Variants in RIC3 observed in about 807,000 individuals in gnomAD.
RIC3 encodes the protein protein RIC-3.
A neutral mutation model predicts 27.3 loss-of-function variants in RIC3; 28 were observed. The observed-to-expected ratio is 1.02, with a 90% CI of 0.76 to 1.41. The LOEUF (loss-of-function observed/expected upper bound fraction) is 1.41, where lower values mean the gene tolerates loss of function less well. RIC3 is among the 40% of genes most tolerant of loss of function. The pLI is 0.00. For synonymous variants in RIC3, 184 were observed against 160.4 expected (o/e 1.15, Z -1.11); for missense variants, 501 against 444.7 (o/e 1.13, Z -1.14).
the RIC3 span, chr11:8,097,260 A>G: frequency 4.3e-6 from 7 of 1,614,192 alleles, no homozygotes; most frequent in Non-Finnish European, 5.9e-6. Context: ...CAACAGCTCC[A>G]GAGCAACCAG....
At chr11:8,099,631 C>T in the RIC3 span, among the ~76,000 whole-genome samples, 1 of 152,160 alleles carries the variant, frequency 6.6e-6, no homozygotes, top group Non-Finnish European at 1.5e-5. Context: ...AAAGCCCTAG[C>T]AGGGCAGACA....
At chr11:8,152,447 G>A (rs1166538887) in intron 1 of RIC3, among the ~76,000 whole-genome samples, 3 of 152,308 alleles carry the variant, frequency 2.0e-5, no homozygotes, top group Middle Eastern at 3.4e-3. Flanking sequence ...AATATTATAA[G>A]TGAATACAGC....
At chr11:8,157,536 G>C (rs1341527353) in intron 1 of RIC3, among the ~76,000 whole-genome samples, 2 of 152,198 alleles carry the variant, frequency 1.3e-5, no homozygotes, top group Non-Finnish European at 2.9e-5. Flanking sequence ...CTACAGGTGT[G>C]TTCCTAGTGG....
downstream of RIC3, chr11:8,101,121 G>C: frequency 8.4e-7 from 1 of 1,190,224 alleles, no homozygotes; most frequent in Non-Finnish European, 1.2e-6. Context: ...TACAGCTAAG[G>C]TTAGATGTAT....
At chr11:8,145,059 T>C (rs1359936563) in intron 1 of RIC3, among the ~76,000 whole-genome samples, 46 of 135,168 alleles carry the variant, frequency 3.4e-4, no homozygotes, top group South Asian at 5.5e-4. Context: ...AGGGATAGCA[T>C]TGGGAGATAT....
chr11:8,127,780 A>G (rs926187013), intron 4 of RIC3, among the ~76,000 whole-genome samples: 2 of 152,214 alleles, frequency 1.3e-5, no homozygotes, highest in African/African-American at 4.8e-5. Flanking sequence ...ATGATGTACT[A>G]TGTACTAGCC....
intron 1 of RIC3, 141 bp from the exon 2 acceptor site, chr11:8,140,334 A>C: frequency 1.4e-6 from 1 of 706,078 alleles, no homozygotes; most frequent in Admixed American, 2.9e-5. Context: ...AAGGATACAG[A>C]GGTATCACAC....
In RIC3 at chr11:8,149,450, T is replaced by C. The variant is rs143554296; in HGVS notation, c.125-9257A>G. ...AGTTAAAATGCTAACTTGTGTGATA[T>C]ATAAATTTGATACAGTGGACCTTGA... On this transcript the variant is annotated intron_variant, in intron 1 of 5. Transcript: ENST00000309737. 6.5e-3 allele frequency among the ~76,000 whole-genome samples: 994 copies of C among 152,238 alleles called. 22 individuals carry two copies. Among genetic ancestry groups the C allele is most frequent in the Admixed American group, 0.051 (783 of 15,298 alleles).
chr11:8,127,603 C>T lies in RIC3; in HGVS notation c.522-796G>A, dbSNP rs184853145. On this transcript the variant is annotated intron_variant, in intron 4 of 5. Coordinates refer to ENST00000309737, the MANE Select transcript of RIC3 (RefSeq NM_001206671.4). The stretch of plus-strand genomic sequence containing the variant: ...AGGATAACAGTTTGATTGTTTTCTT[C>T]TAGAGGAAAGCACTGCATCACACTG... Among the ~76,000 whole-genome samples, 984 of 152,240 alleles carry T rather than the reference C, an allele frequency of 6.5e-3. 22 individuals carry two copies. The highest frequency in any genetic ancestry group is 0.051 in the Admixed American group (783 of 15,290).
chr11:8,115,214 A>G (rs1450074949), intron 5 of RIC3, among the ~76,000 whole-genome samples: 1 of 152,120 alleles, frequency 6.6e-6, no homozygotes, highest in African/African-American at 2.4e-5. Context: ...AGTACATCAC[A>G]TTATAAGGGA....
chr11:8,101,838 GAGAATAA>G, downstream of RIC3: 2 of 507,012 alleles, frequency 3.9e-6, no homozygotes, highest in South Asian at 6.7e-5. Flanking sequence ...GTGAAGGGAT[GAGAATAA>G]TTCTTTCCAT....
At chr11:8,115,894 A>G (rs983252447) in intron 5 of RIC3, among the ~76,000 whole-genome samples, 3 of 152,188 alleles carry the variant, frequency 2.0e-5, no homozygotes, top group African/African-American at 7.2e-5. Context: ...TAGAAGAAAC[A>G]ATTCTAAAAT....
At chr11:8,154,746 T>C (rs1163979639) in intron 1 of RIC3, among the ~76,000 whole-genome samples, 1 of 150,800 alleles carries the variant, frequency 6.6e-6, no homozygotes, top group Non-Finnish European at 1.5e-5. Context: ...ACAAATAAGA[T>C]TTGTGTTTTT....
At chr11:8,097,948 C>T in the RIC3 span, 2 of 734,330 alleles carry the variant, frequency 2.7e-6, no homozygotes, top group African/African-American at 3.5e-5. Flanking sequence ...CTCCCAGGAT[C>T]CTCTCTGATA....
At chr11:8,100,366 A>G in the RIC3 span, 1 of 688,900 alleles carries the variant, frequency 1.5e-6, no homozygotes. Context: ...TGGCCGTGTT[A>G]GGTTTAGAGG....
intron 5 of RIC3, among the ~76,000 whole-genome samples, chr11:8,125,354 T>C (rs1012525747): frequency 7.3e-5 from 11 of 151,684 alleles, no homozygotes; most frequent in African/African-American, 2.4e-4. Context: ...TAAGAAAATA[T>C]AAAGGCAAGC....
chr11:8,148,012 G>T (rs572986099), intron 1 of RIC3, among the ~76,000 whole-genome samples: 56 of 152,052 alleles, frequency 3.7e-4, no homozygotes, highest in African/African-American at 1.4e-3. Flanking sequence ...GGCATGAGCC[G>T]AATTTGGGTA....
At chr11:8,096,949 C>A in the RIC3 span, 1 of 1,005,494 alleles carries the variant, frequency 9.9e-7, no homozygotes, top group Non-Finnish European at 1.5e-6. Flanking sequence ...GCCTCCTAAC[C>A]TCTTCAGCTA....
Position 8,110,356 on chromosome 11 carries a change from ATC to A in RIC3, c.*340_*341del, listed in dbSNP as rs1337579614. 1.0e-5 allele frequency: 4 copies of A among 393,736 alleles called. No homozygotes were observed. The highest frequency in any genetic ancestry group is 1.9e-5 in the Non-Finnish European group (4 of 207,534). 24.4% of individuals were successfully genotyped at this position (393,736 alleles called of 1,614,324 possible). ...GCTGATGTTCGTTCACAGGTGAACT[ATC>A]TGTTACACCTACCAGGAAGAGTCAG... On this transcript the variant is annotated 3_prime_UTR_variant, in exon 6 of 6. Transcript: ENST00000309737.
Sources: allele counts gnomAD v4.1 joint callset (sites outside exome capture counted in the v4.1 genomes callset), GRCh38; gene constraint gnomAD v4.1.1; transcripts MANE v1.5; gene names NCBI Gene and HGNC (gene_info 2026-07-23, HGNC 2026-07-21).